STK32B: variants seen among roughly 807,000 people sequenced by gnomAD.
The protein encoded by STK32B is serine/threonine-protein kinase 32B.
Under a neutral mutation model 52.6 loss-of-function variants are expected in STK32B, and 43 were observed. The ratio of observed to expected loss-of-function variants is 0.82; its 90% CI spans 0.64 to 1.05. The LOEUF (loss-of-function observed/expected upper bound fraction) is 1.05, where lower values mean the gene tolerates loss of function less well. Ranked by LOEUF, STK32B falls within the 50% of genes least tolerant of loss-of-function variation. STK32B has a pLI of 0.00. For missense variants in STK32B, 621 were observed against 534.6 expected (o/e 1.16, Z -1.59); for synonymous variants, 238 against 204.3 (o/e 1.17, Z -1.41).
intron 3 of STK32B, among the ~76,000 whole-genome samples, chr4:5,212,381 T>C (rs1267781030): frequency 6.6e-6 from 1 of 152,180 alleles, no homozygotes; most frequent in Admixed American, 6.5e-5. Flanking sequence ...AAGCAATTTT[T>C]CCCTACTGTC....
chr4:5,326,494 C>G (rs1234527077), intron 3 of STK32B, among the ~76,000 whole-genome samples: 2 of 152,166 alleles, frequency 1.3e-5, no homozygotes, highest in Non-Finnish European at 2.9e-5. Context: ...GCATTTAGCT[C>G]CCAGCCCTGC....
rs1201368525 is a variant in STK32B at position 5,489,628 on chromosome 4, A to ATTTTTTTTTTTTTTTTTTTTTTTTTTTTT, written c.1107-9315_1107-9314insTTTTTTTTTTTTTTTTTTTTTTTTTTTTT. ...TTTTATTTTATTTTATTTATTTTTT[A>ATTTTTTTTTTTTTTTTTTTTTTTTTTTTT]TTATTTTTTTTGAGATGGAGTCTTG... On this transcript the variant is annotated intron_variant, in intron 11 of 11. Coordinates refer to ENST00000282908, the MANE Select transcript of STK32B (RefSeq NM_018401.3). Among the ~76,000 whole-genome samples the ATTTTTTTTTTTTTTTTTTTTTTTTTTTTT allele has an allele frequency of 2.0e-5, 3 of 151,656 alleles. No homozygotes were observed. In the East Asian group the frequency reaches 6.0e-4, roughly 30 times the overall value.
chr4:5,303,890 T>G (rs1464842464), intron 3 of STK32B, among the ~76,000 whole-genome samples: 1 of 146,820 alleles, frequency 6.8e-6, no homozygotes, highest in African/African-American at 2.7e-5. Flanking sequence ...TTGCATTCTT[T>G]TACATGGACT....
intron 3 of STK32B, among the ~76,000 whole-genome samples, chr4:5,285,129 G>GT (rs1283950185): frequency 6.6e-6 from 1 of 152,072 alleles, no homozygotes; most frequent in African/African-American, 2.4e-5. Flanking sequence ...TTACTTTATT[G>GT]TAAGATTACA....
At chr4:5,051,286 C>T (rs1451104713), upstream of STK32B, among the ~76,000 whole-genome samples, 2 of 152,092 alleles carry the variant, frequency 1.3e-5, no homozygotes, top group African/African-American at 4.8e-5. Flanking sequence ...ATGGTGCTAA[C>T]AAAGCGCGTA....
At chr4:5,362,403 C>A (rs1221885545) in intron 4 of STK32B, among the ~76,000 whole-genome samples, 3 of 152,242 alleles carry the variant, frequency 2.0e-5, no homozygotes, top group Non-Finnish European at 4.4e-5. Context: ...TGCCTCAATG[C>A]ATCACCATCT....
chr4:5,253,212 T>G (rs990311618), intron 3 of STK32B, among the ~76,000 whole-genome samples: 9 of 152,022 alleles, frequency 5.9e-5, no homozygotes. Context: ...GCTCCCTCTG[T>G]CTAGAGGGAG....
At chr4:5,093,729 T>C (rs915990101) in intron 1 of STK32B, among the ~76,000 whole-genome samples, 2 of 152,216 alleles carry the variant, frequency 1.3e-5, no homozygotes, top group African/African-American at 4.8e-5. Context: ...AAATGCCATG[T>C]GATGCTAATA....
chr4:5,026,241 G>C, the STK32B span, among the ~76,000 whole-genome samples: 1 of 152,232 alleles, frequency 6.6e-6, no homozygotes, highest in Non-Finnish European at 1.5e-5. Context: ...ATTCCAATAA[G>C]TGATACAGGT....
chr4:5,336,113 A>G (rs1260653837), intron 4 of STK32B, among the ~76,000 whole-genome samples: 1 of 148,218 alleles, frequency 6.7e-6, no homozygotes, highest in Non-Finnish European at 1.5e-5. Flanking sequence ...TGTACTAACA[A>G]TGGCAATGTT....
At chr4:5,369,500 T>C (rs557215940) in intron 4 of STK32B, among the ~76,000 whole-genome samples, 1 of 152,084 alleles carries the variant, frequency 6.6e-6, no homozygotes, top group Non-Finnish European at 1.5e-5. Flanking sequence ...GGGGACAGAA[T>C]GCAAATCATC....
intron 3 of STK32B, among the ~76,000 whole-genome samples, chr4:5,171,467 C>G (rs993367209): frequency 1.3e-5 from 2 of 152,168 alleles, no homozygotes; most frequent in African/African-American, 2.4e-5. Context: ...TTTAATCCAT[C>G]TTGCATTAAT....
chr4:5,487,746 C>T (rs769547275), intron 11 of STK32B, among the ~76,000 whole-genome samples: 1 of 152,148 alleles, frequency 6.6e-6, no homozygotes, highest in Non-Finnish European at 1.5e-5. Context: ...GAGTCTTATT[C>T]TGATATGGAG....
At chr4:5,281,687 G>C (rs897358546) in intron 3 of STK32B, among the ~76,000 whole-genome samples, 1 of 152,158 alleles carries the variant, frequency 6.6e-6, no homozygotes, top group Non-Finnish European at 1.5e-5. Context: ...CAGCAACAAA[G>C]TTGAGAGATA....
the STK32B span, among the ~76,000 whole-genome samples, chr4:5,038,729 G>A: frequency 6.6e-6 from 1 of 152,178 alleles, no homozygotes; most frequent in Non-Finnish European, 1.5e-5. Context: ...AGTTGCTCTG[G>A]ATGAGTGAGT....
At chr4:5,211,239 C>G (rs1426873100) in intron 3 of STK32B, among the ~76,000 whole-genome samples, 1 of 152,146 alleles carries the variant, frequency 6.6e-6, no homozygotes, top group African/African-American at 2.4e-5. Flanking sequence ...GCATGCTTTT[C>G]CACAAATACA....
intron 1 of STK32B, among the ~76,000 whole-genome samples, chr4:5,108,029 A>T (rs186711238): frequency 2.0e-5 from 3 of 152,284 alleles, no homozygotes; most frequent in Non-Finnish European, 4.4e-5. Flanking sequence ...AGGCCACAAG[A>T]AGTCCCTCTC....
At chr4:5,229,766 G>A (rs773745704) in intron 3 of STK32B, among the ~76,000 whole-genome samples, 5 of 151,850 alleles carry the variant, frequency 3.3e-5, no homozygotes, top group Admixed American at 6.6e-5. Flanking sequence ...TTTCCTAAAC[G>A]AACACAAAAC....
chr4:5,159,238 G>A (rs943124403), intron 2 of STK32B, among the ~76,000 whole-genome samples: 1 of 152,046 alleles, frequency 6.6e-6, no homozygotes, highest in African/African-American at 2.4e-5. Flanking sequence ...CTGAGGAAAC[G>A]TATTTTGGAA....
Sources: allele counts gnomAD v4.1 joint callset (sites outside exome capture counted in the v4.1 genomes callset), GRCh38; gene constraint gnomAD v4.1.1; transcripts MANE v1.5; gene names NCBI Gene and HGNC (gene_info 2026-07-23, HGNC 2026-07-21).